The following ARHGAP18 variants were observed in gnomAD, a reference collection of about 807,000 sequenced individuals.
The protein encoded by ARHGAP18 is Rho GTPase activating protein 18, also known as rho GTPase-activating protein 18.
ARHGAP18 carries 67 observed loss-of-function variants against 86.2 expected under a neutral mutation model. The observed-to-expected ratio is 0.78, with a 90% confidence interval of 0.64 to 0.95. ARHGAP18 has a LOEUF of 0.95. Ranked by LOEUF, ARHGAP18 falls within the 40% of genes least tolerant of loss-of-function variation. ARHGAP18 has a pLI of 0.00. For synonymous variants in ARHGAP18, 283 were observed against 280.4 expected, an observed-to-expected ratio of 1.01 and a Z score of -0.09; for missense variants, 691 against 780.4, an observed-to-expected ratio of 0.89 and a Z score of 1.37.
At chr6:129,598,617 C>T (rs985231071) in intron 12 of ARHGAP18, among the ~76,000 whole-genome samples, 7 of 152,278 alleles carry the variant, frequency 4.6e-5, no homozygotes, top group South Asian at 2.1e-4. Flanking sequence ...TATACTCTTA[C>T]AGTAGTTTAT....
intron 3 of ARHGAP18, among the ~76,000 whole-genome samples, chr6:129,636,500 A>G (rs1236365698): frequency 1.3e-5 from 2 of 152,240 alleles, no homozygotes; most frequent in Admixed American, 1.3e-4. Flanking sequence ...AAATGCAAAT[A>G]TACCAGGATA....
Position 129,634,092 on chromosome 6 carries a change from G to C in ARHGAP18, c.566C>G (p.Thr189Ser). 1 of 1,613,152 alleles carries C rather than the reference G, an allele frequency of 6.2e-7. No homozygotes were observed. The highest frequency in any genetic ancestry group is 8.5e-7 in the Non-Finnish European group (1 of 1,179,782). The change falls in exon 4 of 15, where the codon ACT becomes AGT. Residue 189 changes from threonine (T) to serine (S), a missense_variant. Transcript: ENST00000368149. ...RESKETAPGG[T>S]ESQSLRTNEN... is the part of the protein sequence containing the mutation. ...ATTTGTTCTAAGTGACTGCGATTCA[G>C]TGCCACCTGGAGCCTAAACATAGAA...
At chr6:129,625,947 TTTATATA>T (rs1365540094) in intron 5 of ARHGAP18, among the ~76,000 whole-genome samples, 3 of 62,626 alleles carry the variant, frequency 4.8e-5, no homozygotes, top group South Asian at 4.0e-4. Flanking sequence ...ATATTATATA[TTTATATA>T]TTATATATTT....
intron 1 of ARHGAP18, among the ~76,000 whole-genome samples, chr6:129,656,566 C>G (rs1773841230): frequency 1.3e-5 from 2 of 152,130 alleles, no homozygotes; most frequent in Non-Finnish European, 2.9e-5. Context: ...GCTTGAAGAA[C>G]CCGGGAGGCG....
At chr6:129,625,020 TGATATATGA>T (rs1789319938) in intron 5 of ARHGAP18, among the ~76,000 whole-genome samples, 1 of 86,772 alleles carries the variant, frequency 1.2e-5, no homozygotes, top group African/African-American at 4.8e-5. Flanking sequence ...ATAATATATA[TGATATATGA>T]TATATATTTA....
chr6:129,592,677 A>G (rs1162231735), intron 12 of ARHGAP18, among the ~76,000 whole-genome samples: 1 of 152,172 alleles, frequency 6.6e-6, no homozygotes, highest in Admixed American at 6.5e-5. Flanking sequence ...CCTCACTCTC[A>G]TAAATGAACA....
At chr6:129,631,148 A>T (rs141614627) in intron 4 of ARHGAP18, among the ~76,000 whole-genome samples, 1 of 152,150 alleles carries the variant, frequency 6.6e-6, no homozygotes, top group Admixed American at 6.5e-5. Flanking sequence ...GTTTCCTAGG[A>T]AACTATTCTA....
chr6:129,601,910 G>A (rs934915932), intron 10 of ARHGAP18, among the ~76,000 whole-genome samples: 36 of 152,168 alleles, frequency 2.4e-4, no homozygotes, highest in African/African-American at 8.2e-4. Context: ...TTACACAGGT[G>A]TAAGCCACCA....
At chr6:129,681,998 C>T (rs1395225204) in intron 1 of ARHGAP18, among the ~76,000 whole-genome samples, 2 of 152,204 alleles carry the variant, frequency 1.3e-5, no homozygotes, top group African/African-American at 4.8e-5. Context: ...CTGAGCTCAT[C>T]TTAGCTTATT....
intron 1 of ARHGAP18, among the ~76,000 whole-genome samples, chr6:129,645,724 C>T (rs1773565423): frequency 6.6e-6 from 1 of 152,162 alleles, no homozygotes; most frequent in Admixed American, 6.5e-5. Context: ...CTGTACAAGT[C>T]ACGCTCTTTC....
chr6:129,707,998 G>A (rs976013396), intron 1 of ARHGAP18, among the ~76,000 whole-genome samples: 1 of 151,836 alleles, frequency 6.6e-6, no homozygotes, highest in East Asian at 1.9e-4. Flanking sequence ...GGTGGTCACC[G>A]AGGACCCCAT....
At chr6:129,599,515 A>G (rs1788692818) in intron 11 of ARHGAP18, among the ~76,000 whole-genome samples, 159 bp from the exon 12 acceptor site, 1 of 152,206 alleles carries the variant, frequency 6.6e-6, no homozygotes. Context: ...ATCTGTGAAA[A>G]GAAAATACTT....
chr6:129,602,185 A>G (rs1788760965), intron 10 of ARHGAP18, among the ~76,000 whole-genome samples: 1 of 152,180 alleles, frequency 6.6e-6, no homozygotes, highest in African/African-American at 2.4e-5. Flanking sequence ...TTCTCTATGA[A>G]TGAGGCAGTT....
At chr6:129,586,912 T>G (rs1349680969) in intron 12 of ARHGAP18, among the ~76,000 whole-genome samples, 1 of 151,954 alleles carries the variant, frequency 6.6e-6, no homozygotes, top group East Asian at 1.9e-4. Flanking sequence ...CTCAAATACC[T>G]CAAACTCCAT....
intron 1 of ARHGAP18, among the ~76,000 whole-genome samples, chr6:129,694,272 C>A (rs190682956): frequency 6.6e-6 from 1 of 152,058 alleles, no homozygotes; most frequent in Non-Finnish European, 1.5e-5. Context: ...TGGTAAAGAC[C>A]CTGACAACAA....
intron 5 of ARHGAP18, among the ~76,000 whole-genome samples, chr6:129,625,895 TA>T (rs1158811503): frequency 0.024 from 778 of 31,756 alleles, no homozygotes; most frequent in Non-Finnish European, 0.046. Flanking sequence ...TATTATATAT[TA>T]TATATTTATA....
At chr6:129,632,998 T>C (rs1303256155) in intron 4 of ARHGAP18, among the ~76,000 whole-genome samples, 2 of 152,228 alleles carry the variant, frequency 1.3e-5, no homozygotes, top group Non-Finnish European at 2.9e-5. Context: ...ATCACCTTTG[T>C]TTTAGTTTGT....
intron 1 of ARHGAP18, among the ~76,000 whole-genome samples, chr6:129,657,365 T>C (rs1176957241): frequency 3.3e-5 from 5 of 151,828 alleles, no homozygotes; most frequent in Admixed American, 3.3e-4. Flanking sequence ...GAGAGGTAAT[T>C]TGCATGTTTT....
rs1774090658 is a variant in ARHGAP18, at chr6:129,668,735, A to T, written c.114-26717T>A. 2.0e-5 allele frequency among the ~76,000 whole-genome samples: 3 copies of T among 152,154 alleles called. 1 individual carries two copies. The highest frequency in any genetic ancestry group is 6.6e-5 in the Admixed American group (1 of 15,264). On this transcript the variant is annotated intron_variant, in intron 1 of 14. Transcript: ENST00000368149. ...CACACTTCCCTAACGCCCACACTGCAGTGAACGTCCTCCACTCGATCTCTA... is the reference window on the plus strand; with the variant it reads ...CACACTTCCCTAACGCCCACACTGCTGTGAACGTCCTCCACTCGATCTCTA...
Sources: gnomAD v4.1 joint callset for allele counts (sites outside exome capture counted in the v4.1 genomes callset) on GRCh38, gnomAD v4.1.1 for gene constraint, MANE v1.5 for transcripts, NCBI Gene and HGNC (gene_info 2026-07-23, HGNC 2026-07-21) for gene names.